The following SCAI variants were observed in gnomAD, a reference collection of about 807,000 sequenced individuals.
The protein encoded by SCAI is protein SCAI.
A neutral mutation model predicts 92.2 loss-of-function variants in SCAI; 24 were observed. The observed-to-expected ratio is 0.26, with a 90% confidence interval of 0.19 to 0.37. SCAI has a LOEUF of 0.37. Ranked by LOEUF, SCAI falls within the 10% of genes least tolerant of loss-of-function variation. The probability of loss-of-function intolerance (pLI) is 1.00; values close to 1 mark genes in which losing one functional copy is unlikely to be tolerated. For synonymous variants in SCAI, 261 were observed against 258.6 expected (o/e 1.01, Z -0.09); for missense variants, 450 against 736.2 (o/e 0.61, Z 4.50).
chr9:125,051,173 C>T (rs1306222210), intron 3 of SCAI, among the ~76,000 whole-genome samples: 1 of 152,068 alleles, frequency 6.6e-6, no homozygotes. Context: ...CAGGTGTGTG[C>T]CACCACGCCT....
At chr9:125,067,599 A>G (rs1276500367) in intron 2 of SCAI, among the ~76,000 whole-genome samples, 1 of 152,200 alleles carries the variant, frequency 6.6e-6, no homozygotes, top group East Asian at 1.9e-4. Context: ...CAATTCTGCA[A>G]CCACTTAATT....
intron 14 of SCAI, 54 bp from the exon 15 acceptor site, chr9:124,976,240 A>G: frequency 8.0e-7 from 1 of 1,253,658 alleles, no homozygotes; most frequent in Non-Finnish European, 1.2e-6. Flanking sequence ...AAAGATAGTT[A>G]CTTAGTAATT....
Position 125,078,238 on chromosome 9 carries a change from A to G in SCAI, c.99-22231T>C, listed in dbSNP as rs547441904. On this transcript the variant is annotated intron_variant, in intron 2 of 17. Transcript: ENST00000336505. The stretch of plus-strand genomic sequence containing the variant: ...AATAATATATAAACAAAAAAAAGTC[A>G]ACATTAGGCTGGGCGTGTTGGCTCA... 1.2e-3 allele frequency among the ~76,000 whole-genome samples: 177 copies of G among 152,266 alleles called. 1 individual carries two copies. Among genetic ancestry groups the G allele is most frequent in the African/African-American group, 4.1e-3 (172 of 41,556 alleles).
At chr9:125,086,462 G>A (rs1834328274) in intron 2 of SCAI, among the ~76,000 whole-genome samples, 1 of 152,186 alleles carries the variant, frequency 6.6e-6, no homozygotes, top group Non-Finnish European at 1.5e-5. Flanking sequence ...CAGAGGGAAT[G>A]CTGAATAGCT....
chr9:125,040,340 G>A (rs1000835145), intron 3 of SCAI, among the ~76,000 whole-genome samples: 6 of 152,144 alleles, frequency 3.9e-5, no homozygotes, highest in Non-Finnish European at 8.8e-5. Context: ...CAGCCTGGGT[G>A]AGTTAGAGTG....
rs551244480 is a variant in SCAI, at chr9:125,071,274, C to T, written c.99-15267G>A. Among the ~76,000 whole-genome samples the T allele has an allele frequency of 2.0e-5, 3 of 152,238 alleles. No homozygotes were observed. The East Asian group carries it at 5.8e-4, about 29-fold the overall frequency. ...ATCAGCCTGGCATGGTGTTGTGTGC[C>T]TATAGTTCTAGCTATTAGGATGGCT... On this transcript the variant is annotated intron_variant, in intron 2 of 17. Coordinates refer to ENST00000336505, the MANE Select transcript of SCAI (RefSeq NM_001144877.3).
At chr9:124,973,368 A>T (rs1183927574) in intron 15 of SCAI, among the ~76,000 whole-genome samples, 1 of 152,184 alleles carries the variant, frequency 6.6e-6, no homozygotes, top group African/African-American at 2.4e-5. Context: ...ACACAATCTC[A>T]AACTCTACCC....
chr9:125,128,890 C>A (rs1835338178), intron 2 of SCAI, among the ~76,000 whole-genome samples: 1 of 151,840 alleles, frequency 6.6e-6, no homozygotes, highest in East Asian at 1.9e-4. Flanking sequence ...TGGAGAAACC[C>A]CATCCTTACT....
At chr9:124,963,651 G>A (rs946997521) in intron 17 of SCAI, among the ~76,000 whole-genome samples, 4 of 148,884 alleles carry the variant, frequency 2.7e-5, no homozygotes, top group African/African-American at 9.9e-5. Flanking sequence ...TCAGGATGCT[G>A]AGGCAGAATA....
chr9:124,971,247 T>C (rs1831653398), intron 17 of SCAI, 123 bp downstream of exon 17: 4 of 505,150 alleles, frequency 7.9e-6, no homozygotes, highest in Non-Finnish European at 1.0e-5. Flanking sequence ...GTAAATATTA[T>C]TTTGAATTTA....
chr9:125,050,944 A>G (rs569590278), intron 3 of SCAI, among the ~76,000 whole-genome samples: 40 of 152,314 alleles, frequency 2.6e-4, no homozygotes, highest in African/African-American at 8.9e-4. Context: ...TCTCTCAAAC[A>G]AAAATCCAAA....
intron 17 of SCAI, among the ~76,000 whole-genome samples, chr9:124,956,127 T>C (rs1831312102): frequency 6.6e-6 from 1 of 152,082 alleles, no homozygotes; most frequent in African/African-American, 2.4e-5. Flanking sequence ...TAAAAATCCA[T>C]AATGAAATAT....
intron 4 of SCAI, among the ~76,000 whole-genome samples, chr9:125,028,799 C>T (rs1165819879): frequency 1.9e-5 from 2 of 104,600 alleles, no homozygotes; most frequent in East Asian, 3.4e-4. Flanking sequence ...GAACATTACT[C>T]TTTTTTTTCC....
intron 3 of SCAI, among the ~76,000 whole-genome samples, chr9:125,053,091 T>C (rs934013544): frequency 2.0e-5 from 3 of 152,098 alleles, no homozygotes; most frequent in African/African-American, 4.8e-5. Context: ...TCCCAGCACT[T>C]TGGGAGGCCG....
At chr9:125,068,039 G>A (rs1055273041) in intron 2 of SCAI, among the ~76,000 whole-genome samples, 1 of 152,180 alleles carries the variant, frequency 6.6e-6, no homozygotes, top group Non-Finnish European at 1.5e-5. Flanking sequence ...TGTTAAGTCT[G>A]CATTACATTA....
At chr9:124,964,486 A>C (rs1021320587) in intron 17 of SCAI, among the ~76,000 whole-genome samples, 1 of 152,128 alleles carries the variant, frequency 6.6e-6, no homozygotes, top group Non-Finnish European at 1.5e-5. Context: ...TTCTGTAATA[A>C]TGATGGCATT....
At chr9:125,011,780 T>C (rs1371017005) in intron 9 of SCAI, among the ~76,000 whole-genome samples, 1 of 152,080 alleles carries the variant, frequency 6.6e-6, no homozygotes, top group African/African-American at 2.4e-5. Flanking sequence ...GGCAGCCAGA[T>C]AGAAAGGTCG....
intron 2 of SCAI, among the ~76,000 whole-genome samples, chr9:125,113,761 G>A (rs1481669998): frequency 5.4e-5 from 8 of 149,464 alleles, no homozygotes; most frequent in Non-Finnish European, 1.0e-4. Flanking sequence ...TCGGGAATTC[G>A]AGACCAGCCT....
intron 3 of SCAI, among the ~76,000 whole-genome samples, chr9:125,053,092 T>C (rs1188383805): frequency 6.6e-6 from 1 of 152,080 alleles, no homozygotes; most frequent in Non-Finnish European, 1.5e-5. Context: ...CCCAGCACTT[T>C]GGGAGGCCGA....
Sources: allele counts gnomAD v4.1 joint callset (sites outside exome capture counted in the v4.1 genomes callset), GRCh38; gene constraint gnomAD v4.1.1; transcripts MANE v1.5; gene names NCBI Gene and HGNC (gene_info 2026-07-23, HGNC 2026-07-21).